Variants in AGTPBP1 observed in about 807,000 individuals in gnomAD.
AGTPBP1 encodes the protein cytosolic carboxypeptidase 1.
In AGTPBP1, 70 loss-of-function variants were observed where a neutral mutation model predicts 143.9. That is an observed-to-expected ratio of 0.49 (90% CI 0.40 to 0.59). The LOEUF is 0.59. Ranked by LOEUF, AGTPBP1 falls within the 20% of genes least tolerant of loss-of-function variation. The pLI is 0.00. For missense variants in AGTPBP1, 1,229 were observed against 1,464.5 expected (o/e 0.84, Z 2.62); for synonymous variants, 463 against 500.2 (o/e 0.93, Z 0.99).
chr9:85,551,844 C>T (rs548556765), intron 25 of AGTPBP1, among the ~76,000 whole-genome samples: 3 of 152,056 alleles, frequency 2.0e-5, no homozygotes, highest in Admixed American at 6.5e-5. Flanking sequence ...ATAAAATAAT[C>T]GCTTTAAATA....
Position 85,672,611 on chromosome 9 carries a change from A to C in AGTPBP1, c.507T>G (p.Asn169Lys). Residue 169 changes from asparagine (N) to lysine (K), a missense_variant, in exon 7 of 26, where the codon AAT (asparagine) becomes AAG (lysine). By Grantham distance (94) the Asn-to-Lys change is moderately conservative (BLOSUM62 0). Around this residue, in one of 2 missense-constraint regions of AGTPBP1, gnomAD observed 743 missense variants for 812.2 expected, o/e 0.91. Transcript: ENST00000357081. ...GTAGAACCAAGCGATGATTCTGCAAATTCTGCTTGACCAAATTCAGGGTTA... is the reference window on the plus strand; with the variant it reads ...GTAGAACCAAGCGATGATTCTGCAACTTCTGCTTGACCAAATTCAGGGTTA... The part of the protein sequence containing the change: ...LNITLNLVKQ[N>K]LQNHRLVLPC... 1 of 1,613,826 alleles carries C rather than the reference A, an allele frequency of 6.2e-7. No homozygotes were observed. The highest frequency in any genetic ancestry group is 8.5e-7 in the Non-Finnish European group (1 of 1,179,900).
chr9:85,688,352 T>C (rs1057115582), intron 3 of AGTPBP1, among the ~76,000 whole-genome samples: 5 of 152,224 alleles, frequency 3.3e-5, no homozygotes, highest in East Asian at 1.9e-4. Context: ...CTATATATTA[T>C]AGAATGTTCA....
intron 25 of AGTPBP1, among the ~76,000 whole-genome samples, chr9:85,574,321 A>G (rs1827751174): frequency 6.6e-6 from 1 of 152,162 alleles, no homozygotes; most frequent in South Asian, 2.1e-4. Context: ...GTACCCAGGG[A>G]CACAAACACT....
chr9:85,572,699 T>C (rs1350286497), intron 25 of AGTPBP1, among the ~76,000 whole-genome samples: 2 of 152,214 alleles, frequency 1.3e-5, no homozygotes, highest in Non-Finnish European at 2.9e-5. Context: ...TAACGGTCTG[T>C]TGACTACATG....
At chr9:85,607,986 G>C (rs1415592028) in intron 17 of AGTPBP1, among the ~76,000 whole-genome samples, 1 of 152,034 alleles carries the variant, frequency 6.6e-6, no homozygotes, top group Non-Finnish European at 1.5e-5. Context: ...TTATCCTCCA[G>C]TCTCAGAATT....
intron 11 of AGTPBP1, among the ~76,000 whole-genome samples, chr9:85,653,969 T>C (rs1360746100): frequency 6.6e-6 from 1 of 152,212 alleles, no homozygotes; most frequent in Non-Finnish European, 1.5e-5. Context: ...TAAAGGAGGT[T>C]TCTAAATAAT....
intron 13 of AGTPBP1, among the ~76,000 whole-genome samples, chr9:85,637,772 A>G (rs1237092868): frequency 1.3e-5 from 2 of 152,240 alleles, no homozygotes; most frequent in Non-Finnish European, 2.9e-5. Flanking sequence ...AACTTAAGTG[A>G]AACTTACTGT....
intron 11 of AGTPBP1, among the ~76,000 whole-genome samples, chr9:85,652,539 A>C (rs1833233331): frequency 6.6e-6 from 1 of 152,122 alleles, no homozygotes. Flanking sequence ...CACACCACTC[A>C]GAGTTTCTGA....
At chr9:85,741,365 G>A (rs1824254881) in intron 1 of AGTPBP1, 2 of 985,240 alleles carry the variant, frequency 2.0e-6, no homozygotes, top group Admixed American at 6.1e-5. Flanking sequence ...GGAGAGCGGG[G>A]CTGGGCGCGC....
At chr9:85,800,807 T>TTGTG in the AGTPBP1 span, among the ~76,000 whole-genome samples, 5,707 of 144,624 alleles carry the variant, frequency 0.039, 120 homozygotes, top group South Asian at 0.081. Flanking sequence ...TTTAGAATGG[T>TTGTG]TGTGTGTGTG....
At chr9:85,718,728 T>A (rs557099616) in intron 1 of AGTPBP1, among the ~76,000 whole-genome samples, 5 of 152,298 alleles carry the variant, frequency 3.3e-5, no homozygotes, top group East Asian at 1.9e-4. Flanking sequence ...GGTGTTTTAG[T>A]CATGAAATGT....
At position 85,633,232 on chromosome 9, in the gene AGTPBP1, G is replaced by A. The variant is rs1256845157; in HGVS notation, c.1445C>T (p.Ser482Phe). Residue 482 changes from serine to phenylalanine, a missense_variant, in exon 14 of 26, where the codon TCT becomes TTT. Physicochemically the swap from Ser to Phe is radical, Grantham distance 155 (BLOSUM62 -2). Coordinates refer to ENST00000357081, the MANE Select transcript of AGTPBP1 (RefSeq NM_001330701.2). Reference sequence around the variant, plus strand: ...CTTTTCACCTTCATCTCCTTTAGAAGATATGTTCTCCTTCATTACAACTTT... The same window carrying A: ...CTTTTCACCTTCATCTCCTTTAGAAAATATGTTCTCCTTCATTACAACTTT... ...LRKVVMKENI[S>F]SKGDEGEKKS... The A allele has an allele frequency of 6.2e-7, 1 of 1,613,926 alleles. No individual in the cohort carries two copies.
chr9:85,759,084 A>G, the AGTPBP1 span, among the ~76,000 whole-genome samples: 8 of 152,236 alleles, frequency 5.3e-5, no homozygotes, highest in Admixed American at 5.2e-4. Context: ...TCCTAAATGT[A>G]TATGCACCCA....
At chr9:85,651,347 T>C (rs1207277454) in intron 11 of AGTPBP1, among the ~76,000 whole-genome samples, 6 of 152,240 alleles carry the variant, frequency 3.9e-5, no homozygotes. Context: ...AATATACATT[T>C]GGATTATTTG....
At chr9:85,612,601 A>G (rs995278783) in intron 17 of AGTPBP1, among the ~76,000 whole-genome samples, 3 of 152,198 alleles carry the variant, frequency 2.0e-5, no homozygotes, top group African/African-American at 7.2e-5. Context: ...GAGGAGGGTT[A>G]TGGGACCCCC....
intron 25 of AGTPBP1, among the ~76,000 whole-genome samples, chr9:85,547,534 A>G (rs548301462): frequency 6.4e-4 from 97 of 152,354 alleles, no homozygotes; most frequent in African/African-American, 2.3e-3. Context: ...AAAATTAGAT[A>G]GATAGCTTAA....
chr9:85,601,892 C>T (rs1399132793), intron 17 of AGTPBP1, among the ~76,000 whole-genome samples: 8 of 152,174 alleles, frequency 5.3e-5, no homozygotes, highest in African/African-American at 1.9e-4. Context: ...AACAACCACA[C>T]CCTAAGCCAG....
chr9:85,597,815 T>C (rs989989719), intron 17 of AGTPBP1, among the ~76,000 whole-genome samples: 7 of 152,172 alleles, frequency 4.6e-5, no homozygotes, highest in African/African-American at 1.7e-4. Context: ...TTTCCTATCG[T>C]TGAACTATCT....
At chr9:85,791,167 C>T in the AGTPBP1 span, among the ~76,000 whole-genome samples, 1 of 151,952 alleles carries the variant, frequency 6.6e-6, no homozygotes, top group Non-Finnish European at 1.5e-5. Flanking sequence ...ATCACGAGGT[C>T]AGGAGTTCAA....
Sources: allele counts gnomAD v4.1 joint callset (sites outside exome capture counted in the v4.1 genomes callset), GRCh38; gene constraint gnomAD v4.1.1; regional missense constraint gnomAD v4.1.1; transcripts MANE v1.5; gene names NCBI Gene and HGNC (gene_info 2026-07-23, HGNC 2026-07-21).